NCALD: variants seen among roughly 807,000 people sequenced by gnomAD.
The protein encoded by NCALD is neurocalcin delta, also known as neurocalcin-delta.
A neutral mutation model predicts 18.6 loss-of-function variants in NCALD; 10 were observed. That is an observed-to-expected ratio of 0.54 (90% CI 0.33 to 0.91). The LOEUF is 0.91. NCALD is among the 40% of genes least tolerant of loss of function. The probability of loss-of-function intolerance (pLI) is 0.03; values close to 1 mark genes in which losing one functional copy is unlikely to be tolerated. For missense variants in NCALD, 184 were observed against 247.6 expected (o/e 0.74, Z 1.72); for synonymous variants, 88 against 87.4 (o/e 1.01, Z -0.04).
chr8:101,735,016 AAGGAAGGGAAGAAGAACAAG>A (rs1430826209), intron 1 of NCALD, among the ~76,000 whole-genome samples: 3 of 152,148 alleles, frequency 2.0e-5, no homozygotes, highest in Non-Finnish European at 2.9e-5. Flanking sequence ...AAAGCCATTG[AAGGAAGGGAAGAAGAACAAG>A]AGGAAGGAAA....
At chr8:102,042,430 G>C (rs901745167) in intron 1 of NCALD, among the ~76,000 whole-genome samples, 3 of 151,918 alleles carry the variant, frequency 2.0e-5, no homozygotes, top group African/African-American at 7.3e-5. Context: ...GGCTCCTACA[G>C]TTTGGAAGAC....
At chr8:101,753,302 C>A (rs572824360) in intron 1 of NCALD, among the ~76,000 whole-genome samples, 71 of 152,094 alleles carry the variant, frequency 4.7e-4, no homozygotes, top group Admixed American at 1.6e-3. Context: ...GAATCAAGAG[C>A]GTAGATGGGA....
At chr8:101,770,850 T>C (rs1034368375) in intron 1 of NCALD, among the ~76,000 whole-genome samples, 5 of 152,350 alleles carry the variant, frequency 3.3e-5, no homozygotes, top group Admixed American at 1.3e-4. Context: ...AAATACATTT[T>C]TTAAAAAATA....
chr8:101,982,189 C>A (rs55838367), intron 2 of NCALD, among the ~76,000 whole-genome samples: 2,355 of 152,216 alleles, frequency 0.015, 55 homozygotes, highest in African/African-American at 0.053. Flanking sequence ...GTCAAATAAA[C>A]CTCTTTTCTT....
intron 3 of NCALD, among the ~76,000 whole-genome samples, chr8:101,888,416 TTTA>T (rs1816752001): frequency 6.6e-6 from 1 of 152,224 alleles, no homozygotes; most frequent in African/African-American, 2.4e-5. Flanking sequence ...TATTTATTTA[TTTA>T]TTTTTGCAGA....
rs76064599 is a variant in NCALD, at chr8:101,819,263, C to CATTATTTATTTA, written c.-20+67877_-20+67878insTAAATAAATAAT. Among the ~76,000 whole-genome samples, 388 of 148,384 alleles carry CATTATTTATTTA rather than the reference C, an allele frequency of 2.6e-3. 7 individuals carry two copies. Among genetic ancestry groups the CATTATTTATTTA allele is most frequent in the African/African-American group, 6.5e-3 (263 of 40,612 alleles). On this transcript the variant is annotated intron_variant, in intron 4 of 6. Transcript: ENST00000311028. ...TATTTGTTTACTTATAAATACATAA[C>CATTATTTATTTA]TTTATTTATTTATTTATTTATTTAT...
chr8:102,109,075 C>T (rs1409457064), intron 1 of NCALD, among the ~76,000 whole-genome samples: 6 of 152,038 alleles, frequency 3.9e-5, no homozygotes, highest in African/African-American at 1.4e-4. Flanking sequence ...CTTCTCAGAC[C>T]GCACACTCCC....
chr8:101,827,127 C>A (rs1281691688), intron 4 of NCALD, among the ~76,000 whole-genome samples: 1 of 152,196 alleles, frequency 6.6e-6, no homozygotes, highest in Non-Finnish European at 1.5e-5. Flanking sequence ...GGTAGAAGCC[C>A]TTCCTTGCCT....
At chr8:101,872,008 G>A (rs1347021001) in intron 4 of NCALD, 1 of 953,574 alleles carries the variant, frequency 1.0e-6, no homozygotes, top group Non-Finnish European at 1.7e-6. Context: ...AAACACCAGA[G>A]GACCGATCAA....
chr8:101,992,391 C>A (rs1454635432), intron 2 of NCALD, among the ~76,000 whole-genome samples: 2 of 152,112 alleles, frequency 1.3e-5, no homozygotes, highest in Non-Finnish European at 2.9e-5. Context: ...AATATAAATG[C>A]TTCTAAGAAA....
At position 101,744,791 on chromosome 8, in the gene NCALD, A is replaced by T. The variant is rs114205381; in HGVS notation, c.-19-25143T>A. On this transcript the variant is annotated intron_variant, in intron 1 of 3. Transcript: ENST00000220931. ...GAGAAAATGACACTATGTATGCAGT[A>T]CTCTGGTAAGTGGATGAGAATGCTG... is the stretch of plus-strand genomic sequence containing the variant. Among the ~76,000 whole-genome samples the T allele has an allele frequency of 6.4e-3, 976 of 152,184 alleles. 14 individuals carry two copies. The highest frequency in any genetic ancestry group is 0.022 in the African/African-American group (906 of 41,524).
chr8:101,927,485 C>T (rs1008651798), intron 2 of NCALD, among the ~76,000 whole-genome samples: 1 of 152,124 alleles, frequency 6.6e-6, no homozygotes, highest in African/African-American at 2.4e-5. Flanking sequence ...CTGCTAAGTG[C>T]AGGAGTGAAG....
In NCALD at chr8:101,998,976, G is replaced by A. The variant is rs568786394; in HGVS notation, c.-157+21261C>T. 4.0e-5 allele frequency among the ~76,000 whole-genome samples: 6 copies of A among 149,880 alleles called. No homozygotes were observed. The South Asian group carries it at 1.3e-3, about 31-fold the overall frequency. ...AGTGTATTTAATGTCAAACTTAATG[G>A]CAAAAAATGCAAATTACAGCTAATA... is the stretch of plus-strand genomic sequence containing the variant. On this transcript the variant is annotated intron_variant, in intron 2 of 6. Transcript: ENST00000311028.
chr8:101,949,761 G>T, intron 2 of NCALD, among the ~76,000 whole-genome samples: 1 of 127,050 alleles, frequency 7.9e-6, no homozygotes, highest in East Asian at 2.4e-4. Flanking sequence ...TGATCCTTAT[G>T]CCCCAGGTTG....
At chr8:101,839,439 AGTGGT>A (rs1814549444) in intron 4 of NCALD, among the ~76,000 whole-genome samples, 1 of 152,184 alleles carries the variant, frequency 6.6e-6, no homozygotes, top group Non-Finnish European at 1.5e-5. Flanking sequence ...TTTGGCTTTC[AGTGGT>A]GGCACCAAAA....
At chr8:101,690,483 T>C (rs1377298336) in intron 3 of NCALD, 1 of 985,344 alleles carries the variant, frequency 1.0e-6, no homozygotes, top group African/African-American at 1.7e-5. Flanking sequence ...GTCCTTGGAC[T>C]CTCACGCTAA....
chr8:101,885,974 A>G (rs1465346993), intron 4 of NCALD, among the ~76,000 whole-genome samples: 3 of 152,232 alleles, frequency 2.0e-5, no homozygotes, highest in African/African-American at 4.8e-5. Flanking sequence ...TCTCAAGAAG[A>G]AGGAGCTTCC....
intron 1 of NCALD, among the ~76,000 whole-genome samples, chr8:102,107,349 G>A (rs557820549): frequency 6.6e-6 from 1 of 151,340 alleles, no homozygotes; most frequent in East Asian, 1.9e-4. Flanking sequence ...AAAAGTAAGA[G>A]TCTTTAACAA....
intron 2 of NCALD, among the ~76,000 whole-genome samples, chr8:101,927,462 T>C (rs1818378343): frequency 6.6e-6 from 1 of 152,108 alleles, no homozygotes; most frequent in Non-Finnish European, 1.5e-5. Context: ...GATGAAGGTG[T>C]CTGAGCAAGG....
Sources: gnomAD v4.1 joint callset for allele counts (sites outside exome capture counted in the v4.1 genomes callset) on GRCh38, gnomAD v4.1.1 for gene constraint, MANE v1.5 for transcripts, NCBI Gene and HGNC (gene_info 2026-07-23, HGNC 2026-07-21) for gene names.